Variants in AFF1 observed in about 807,000 individuals in gnomAD.
AFF1 encodes ALF transcription elongation factor 1.
AFF1 carries 48 observed loss-of-function variants against 121.7 expected under a neutral mutation model. That is an observed-to-expected ratio of 0.39 (90% CI 0.31 to 0.50). The LOEUF is 0.50. Ranked by LOEUF, AFF1 falls within the 20% of genes least tolerant of loss-of-function variation. AFF1 has a pLI of 0.76. For missense variants in AFF1, 1,523 were observed against 1,511.7 expected (o/e 1.01, Z -0.12); for synonymous variants, 613 against 563.0 (o/e 1.09, Z -1.26).
At chr4:87,028,564 T>C (rs1196904539) in intron 2 of AFF1, among the ~76,000 whole-genome samples, 3 of 152,120 alleles carry the variant, frequency 2.0e-5, no homozygotes, top group African/African-American at 7.3e-5. Context: ...TGCTTGATAA[T>C]ACCTCATTTT....
chr4:87,056,697 G>A (rs1720176371), intron 4 of AFF1, among the ~76,000 whole-genome samples: 1 of 152,010 alleles, frequency 6.6e-6, no homozygotes, highest in Admixed American at 6.6e-5. Flanking sequence ...AGATATAAAG[G>A]GAGCTAATAG....
chr4:87,094,501 T>G (rs1300146963), intron 7 of AFF1, among the ~76,000 whole-genome samples: 1 of 152,132 alleles, frequency 6.6e-6, no homozygotes, highest in Non-Finnish European at 1.5e-5. Flanking sequence ...ACAGGTGGGA[T>G]GGAGAGCACC....
intron 2 of AFF1, among the ~76,000 whole-genome samples, chr4:87,027,534 GGA>G (rs1271863282): frequency 2.0e-5 from 3 of 152,204 alleles, no homozygotes; most frequent in Non-Finnish European, 4.4e-5. Context: ...ATACCCTAGA[GGA>G]GAGAGGAGAG....
At chr4:87,131,608 G>A (rs6815870) in intron 17 of AFF1, among the ~76,000 whole-genome samples, 185 bp from the exon 18 acceptor site, 2,216 of 152,242 alleles carry the variant, frequency 0.015, 53 homozygotes, top group African/African-American at 0.051. Flanking sequence ...CAAGAGACGT[G>A]TACTCACCTA....
At chr4:87,028,864 T>TA (rs1232819663) in intron 2 of AFF1, among the ~76,000 whole-genome samples, 1 of 152,214 alleles carries the variant, frequency 6.6e-6, no homozygotes, top group Non-Finnish European at 1.5e-5. Flanking sequence ...CTTCCAGTGT[T>TA]ATGCTTTTGA....
At chr4:86,973,639 TCTG>T (rs1354636844) in intron 2 of AFF1, among the ~76,000 whole-genome samples, 1 of 152,208 alleles carries the variant, frequency 6.6e-6, no homozygotes, top group African/African-American at 2.4e-5. Flanking sequence ...AAATAACAGG[TCTG>T]CTGATTTCTT....
intron 1 of AFF1, 91 bp from the exon 2 acceptor site, chr4:86,948,407 C>A: frequency 1.3e-6 from 1 of 776,664 alleles, no homozygotes; most frequent in Non-Finnish European, 2.0e-6. Flanking sequence ...ACTTGGAATT[C>A]TGTCTCCAAT....
chr4:86,976,625 G>A (rs1264877964), intron 2 of AFF1, among the ~76,000 whole-genome samples: 1 of 152,168 alleles, frequency 6.6e-6, no homozygotes, highest in Admixed American at 6.6e-5. Context: ...AGAGGATGGA[G>A]GGGGAGGATT....
chr4:87,113,539 G>T (rs1726774502), intron 11 of AFF1, among the ~76,000 whole-genome samples: 2 of 152,166 alleles, frequency 1.3e-5, no homozygotes. Flanking sequence ...CCAAAGCTGG[G>T]ATTATAGGCC....
At chr4:87,081,949 A>G (rs1054150003) in intron 4 of AFF1, among the ~76,000 whole-genome samples, 4 of 152,268 alleles carry the variant, frequency 2.6e-5, no homozygotes, top group Non-Finnish European at 5.9e-5. Flanking sequence ...ACATCTTGGC[A>G]AAGTGTCTAC....
chr4:87,008,927 A>G (rs1726449463), intron 2 of AFF1, among the ~76,000 whole-genome samples: 2 of 152,308 alleles, frequency 1.3e-5, no homozygotes, highest in South Asian at 4.1e-4. Context: ...TTTTTCTGAT[A>G]GTGCTGTTAT....
chr4:87,049,675 G>A (rs141282772), intron 4 of AFF1: 125 of 456,220 alleles, frequency 2.7e-4, no homozygotes, highest in African/African-American at 2.2e-3. Context: ...CCTTTAATGC[G>A]GTGGTTCCCT....
intron 2 of AFF1, among the ~76,000 whole-genome samples, chr4:87,003,286 C>T (rs1310917630): frequency 6.6e-6 from 1 of 152,108 alleles, no homozygotes; most frequent in Non-Finnish European, 1.5e-5. Flanking sequence ...TTATTTGAGA[C>T]TAGGCCTTGC....
intron 5 of AFF1, among the ~76,000 whole-genome samples, chr4:87,088,513 A>C (rs907045800): frequency 1.3e-5 from 2 of 152,228 alleles, no homozygotes; most frequent in Non-Finnish European, 2.9e-5. Context: ...GGACTTAGAA[A>C]AGAATGAGGC....
rs763947380 is a variant in AFF1 at position 87,114,919 on chromosome 4, G to A, written c.2086G>A (p.Ala696Thr). 35 of 1,612,426 alleles carry A rather than the reference G, an allele frequency of 2.2e-5. No individual in the cohort carries two copies. Among genetic ancestry groups the A allele is most frequent in the Middle Eastern group, 1.6e-4 (1 of 6,072 alleles). Reference sequence around the variant, plus strand: ...TAAGGCTCTCTCAGGCCCAGAACCCGCGAAGGACAATGTGGAGGACAGGAC... The same window carrying A: ...TAAGGCTCTCTCAGGCCCAGAACCCACGAAGGACAATGTGGAGGACAGGAC... Reference protein sequence around the residue: ...PSKALSGPEPAKDNVEDRTPE... With the variant: ...PSKALSGPEPTKDNVEDRTPE... Residue 696 changes from alanine (A) to threonine (T), a missense_variant, in exon 12 of 21, where the codon GCG (alanine) becomes ACG (threonine). Transcript: ENST00000395146.
chr4:87,077,251 A>C (rs930977530), intron 4 of AFF1, among the ~76,000 whole-genome samples: 2 of 152,068 alleles, frequency 1.3e-5, no homozygotes, highest in Non-Finnish European at 2.9e-5. Context: ...TCCTGTGGCA[A>C]CTCGAGTTCC....
In AFF1 at chr4:86,973,419, T is replaced by C. The variant is rs554978665; in HGVS notation, c.38+24848T>C. On this transcript the variant is annotated intron_variant, in intron 2 of 20. Coordinates refer to ENST00000395146, the MANE Select transcript of AFF1 (RefSeq NM_001166693.3). ...TTGGTAGTTTATGCTGAATTTTACA[T>C]TGGGCTTCTCAATTCTGCCTCAGTT... is the stretch of plus-strand genomic sequence containing the variant. 3.9e-5 allele frequency among the ~76,000 whole-genome samples: 6 copies of C among 152,322 alleles called. No individual in the cohort carries two copies. The South Asian group carries it at 1.0e-3, about 26-fold the overall frequency.
intron 2 of AFF1, among the ~76,000 whole-genome samples, chr4:87,008,940 T>G (rs905221590): frequency 6.6e-6 from 1 of 152,112 alleles, no homozygotes; most frequent in Non-Finnish European, 1.5e-5. Flanking sequence ...GCTGTTATTG[T>G]CAGACTGCTA....
intron 4 of AFF1, among the ~76,000 whole-genome samples, chr4:87,061,358 A>C (rs993095076): frequency 1.3e-5 from 2 of 152,242 alleles, no homozygotes; most frequent in African/African-American, 4.8e-5. Context: ...AGATATCCAT[A>C]GTACCTTAAA....
Sources: allele counts gnomAD v4.1 joint callset (sites outside exome capture counted in the v4.1 genomes callset), GRCh38; gene constraint gnomAD v4.1.1; transcripts MANE v1.5; gene names NCBI Gene and HGNC (gene_info 2026-07-23, HGNC 2026-07-21).